INVS: variants seen among roughly 807,000 people sequenced by gnomAD.
INVS encodes the protein inversion of embryo turning homolog.
Under a neutral mutation model 108.8 loss-of-function variants are expected in INVS, and 86 were observed. The observed-to-expected ratio is 0.79, with a 90% confidence interval of 0.66 to 0.95. INVS has a LOEUF of 0.95. Ranked by LOEUF, INVS falls within the 40% of genes least tolerant of loss-of-function variation. INVS has a pLI of 0.00. For synonymous variants in INVS, 455 were observed against 473.5 expected (o/e 0.96, Z 0.51); for missense variants, 1,169 against 1,297.4 (o/e 0.90, Z 1.52).
intron 1 of INVS, among the ~76,000 whole-genome samples, chr9:100,102,405 G>T (rs903790515): frequency 6.6e-6 from 1 of 152,140 alleles, no homozygotes. Context: ...TTGAAATATG[G>T]TTCATTTTAG....
chr9:100,226,705 C>A (rs992782246), intron 4 of INVS, among the ~76,000 whole-genome samples: 1 of 149,322 alleles, frequency 6.7e-6, no homozygotes, highest in Non-Finnish European at 1.5e-5. Flanking sequence ...CCCAGCTACT[C>A]GGGAAGCTGA....
intron 3 of INVS, among the ~76,000 whole-genome samples, chr9:100,154,078 G>A (rs1828889982): frequency 6.6e-6 from 1 of 152,182 alleles, no homozygotes; most frequent in Non-Finnish European, 1.5e-5. Context: ...CTATACATAT[G>A]TGGTAAAAAC....
chr9:100,269,135 C>T (rs1350722381), intron 11 of INVS, among the ~76,000 whole-genome samples: 1 of 152,178 alleles, frequency 6.6e-6, no homozygotes, highest in Non-Finnish European at 1.5e-5. Context: ...GGTTACTGAA[C>T]TGGGAGACAT....
chr9:100,258,120 T>G (rs1226724862), intron 10 of INVS, among the ~76,000 whole-genome samples: 2 of 152,178 alleles, frequency 1.3e-5, no homozygotes, highest in Admixed American at 1.3e-4. Context: ...TTTACTCTTT[T>G]TTCTCTAAAC....
intron 3 of INVS, among the ~76,000 whole-genome samples, chr9:100,129,045 T>C (rs1360029954): frequency 1.3e-5 from 2 of 149,138 alleles, no homozygotes; most frequent in Admixed American, 1.3e-4. Flanking sequence ...ATTAGCTGGG[T>C]GTAGTGGCCC....
chr9:100,159,998 G>T (rs994148100), intron 3 of INVS, among the ~76,000 whole-genome samples: 1 of 152,116 alleles, frequency 6.6e-6, no homozygotes, highest in South Asian at 2.1e-4. Context: ...TCTAACCAGG[G>T]TAGCCTCTGG....
intron 3 of INVS, among the ~76,000 whole-genome samples, chr9:100,152,881 T>G (rs1283455156): frequency 6.6e-6 from 1 of 152,174 alleles, no homozygotes; most frequent in Non-Finnish European, 1.5e-5. Context: ...GTCAGTCATC[T>G]CTTTTCAAGC....
chr9:100,101,536 A>G (rs1055703547), intron 1 of INVS: 1 of 152,196 alleles, frequency 6.6e-6, no homozygotes, highest in African/African-American at 2.4e-5. Flanking sequence ...ATTTTCTGCC[A>G]GTCCTTAACT....
Position 100,292,414 on chromosome 9 carries a change from T to G in INVS, c.2157T>G (p.Val719=). Residue 719 remains valine, a synonymous_variant, in exon 14 of 17, where the codon GTT becomes GTG. Coordinates refer to ENST00000262457, the MANE Select transcript of INVS (RefSeq NM_014425.5). ...GTGATGGAAGCAGGCATCCAGGAGT[T>G]CCCTCTGTTGAGAAGTCCAGAGGTG... ...EGSDGSRHPG[V]PSVEKSRGET... 4 of 1,614,138 alleles carry G rather than the reference T, an allele frequency of 2.5e-6. No homozygotes were observed. The highest frequency in any genetic ancestry group is 3.4e-6 in the Non-Finnish European group (4 of 1,180,028).
chr9:100,244,692 C>A (rs866545654), intron 7 of INVS, among the ~76,000 whole-genome samples: 2 of 152,152 alleles, frequency 1.3e-5, no homozygotes, highest in Non-Finnish European at 2.9e-5. Context: ...TCCTTGTCCT[C>A]TATTAACTGA....
chr9:100,259,333 G>T (rs1349666120), intron 10 of INVS, among the ~76,000 whole-genome samples: 1 of 152,114 alleles, frequency 6.6e-6, no homozygotes, highest in African/African-American at 2.4e-5. Flanking sequence ...GGCTTTCCTT[G>T]GCTAGAAAAA....
intron 13 of INVS, among the ~76,000 whole-genome samples, chr9:100,285,475 C>T (rs542880259): frequency 6.6e-6 from 1 of 152,278 alleles, no homozygotes; most frequent in South Asian, 2.1e-4. Context: ...TCCCCATCCC[C>T]AAGACTACCA....
At chr9:100,155,891 T>C (rs77134141) in intron 3 of INVS, among the ~76,000 whole-genome samples, 3,986 of 152,338 alleles carry the variant, frequency 0.026, 73 homozygotes, top group Non-Finnish European at 0.038. Context: ...ACTATTGATA[T>C]ATGTGTCTGC....
At chr9:100,122,536 G>T (rs1827753621) in intron 2 of INVS, among the ~76,000 whole-genome samples, 1 of 131,444 alleles carries the variant, frequency 7.6e-6, no homozygotes, top group African/African-American at 3.0e-5. Flanking sequence ...CTAATTCTTT[G>T]ACTTTTAACC....
chr9:100,100,690 T>TATATGTATATATAA (rs1826839875), intron 1 of INVS, among the ~76,000 whole-genome samples: 1 of 8,432 alleles, frequency 1.2e-4, no homozygotes, highest in African/African-American at 1.0e-3. Context: ...AATATATATA[T>TATATGTATATATAA]TATATATGTA....
At chr9:100,194,480 C>T (rs763601046) in intron 3 of INVS, among the ~76,000 whole-genome samples, 1 of 150,120 alleles carries the variant, frequency 6.7e-6, no homozygotes, top group Non-Finnish European at 1.5e-5. Context: ...AAACAATCGT[C>T]TTATATATAA....
rs539591148 is a variant in INVS at position 100,221,399 on chromosome 9, C to G, written c.274-4663C>G. On this transcript the variant is annotated intron_variant, in intron 3 of 16. Transcript: ENST00000262457. The stretch of plus-strand genomic sequence containing the variant: ...CTTACTGCAGTTTTGACCTCCTGGG[C>G]TGAAGTGATCTTCCCACTCCGGCCT... Among the ~76,000 whole-genome samples, 33 of 151,706 alleles carry G rather than the reference C, an allele frequency of 2.2e-4. No individual in the cohort carries two copies. The East Asian group carries it at 5.2e-3, about 24-fold the overall frequency.
Position 100,216,056 on chromosome 9 carries a change from C to T in INVS, c.274-10006C>T, listed in dbSNP as rs1046301578. Among the ~76,000 whole-genome samples, 14 of 152,278 alleles carry T rather than the reference C, an allele frequency of 9.2e-5. No homozygotes were observed. The South Asian group carries it at 1.0e-3, about 11-fold the overall frequency. On this transcript the variant is annotated intron_variant, in intron 3 of 16. Transcript: ENST00000262457. Reference sequence around the variant, plus strand: ...ACTTGTTCAGCGACTTGATTTCAGTCGGTCTTATCAGAGAGCAGGCCCTTA... The same window carrying T: ...ACTTGTTCAGCGACTTGATTTCAGTTGGTCTTATCAGAGAGCAGGCCCTTA...
In INVS at chr9:100,121,063, G is replaced by GT. The variant is rs199641976; in HGVS notation, c.107-5311dup. ...AATAGTGATGAACAAGTTGACTACA[G>GT]TTTTTTTTTAACAATTTTAAAATTC... On this transcript the variant is annotated intron_variant, in intron 2 of 16. Transcript: ENST00000262457. 4.9e-4 allele frequency among the ~76,000 whole-genome samples: 74 copies of GT among 151,472 alleles called. 1 individual carries two copies. Among genetic ancestry groups the GT allele is most frequent in the African/African-American group, 8.0e-4 (33 of 41,290 alleles).
Sources: allele counts gnomAD v4.1 joint callset (sites outside exome capture counted in the v4.1 genomes callset), GRCh38; gene constraint gnomAD v4.1.1; transcripts MANE v1.5; gene names NCBI Gene and HGNC (gene_info 2026-07-23, HGNC 2026-07-21).